The following ARID5B variants were observed in gnomAD, a reference collection of about 807,000 sequenced individuals.
ARID5B encodes the protein AT-rich interaction domain 5B.
In ARID5B, 13 loss-of-function variants were observed where a neutral mutation model predicts 97.2. The observed-to-expected ratio is 0.13, with a 90% confidence interval of 0.09 to 0.21. The LOEUF is 0.21. ARID5B is among the 10% of genes least tolerant of loss of function. The pLI is 1.00. For synonymous variants in ARID5B, 556 were observed against 570.3 expected, an observed-to-expected ratio of 0.97 and a Z score of 0.36; for missense variants, 1,210 against 1,465.3, an observed-to-expected ratio of 0.83 and a Z score of 2.84.
chr10:61,963,773 C>G (rs567103342), intron 3 of ARID5B, among the ~76,000 whole-genome samples: 1 of 151,898 alleles, frequency 6.6e-6, no homozygotes, highest in African/African-American at 2.4e-5. Context: ...TCTTTGATTA[C>G]TGTCATTACT....
At chr10:61,966,577 G>C (rs570605036) in intron 3 of ARID5B, among the ~76,000 whole-genome samples, 1 of 151,886 alleles carries the variant, frequency 6.6e-6, no homozygotes, top group South Asian at 2.1e-4. Flanking sequence ...TTTTTACATG[G>C]ACCAAATACC....
At chr10:61,958,166 G>A (rs1298135277) in intron 3 of ARID5B, among the ~76,000 whole-genome samples, 2 of 152,230 alleles carry the variant, frequency 1.3e-5, no homozygotes, top group Non-Finnish European at 2.9e-5. Flanking sequence ...TGTTCCAGGA[G>A]CTTGGATGAA....
At chr10:61,963,470 T>A (rs1838500892) in intron 3 of ARID5B, among the ~76,000 whole-genome samples, 1 of 152,062 alleles carries the variant, frequency 6.6e-6, no homozygotes. Context: ...GAGCGGCATG[T>A]CCCTGGGGCA....
intron 4 of ARID5B, among the ~76,000 whole-genome samples, chr10:62,032,290 C>T (rs1839507042): frequency 6.6e-6 from 1 of 152,180 alleles, no homozygotes; most frequent in African/African-American, 2.4e-5. Flanking sequence ...CTGCACACTC[C>T]AGCCTCAGCA....
chr10:62,028,516 C>T (rs1447522510), intron 4 of ARID5B, among the ~76,000 whole-genome samples: 1 of 152,136 alleles, frequency 6.6e-6, no homozygotes, highest in Non-Finnish European at 1.5e-5. Context: ...TCAGTCTGCA[C>T]TCATTGTCAC....
rs534288030 is a variant in ARID5B, at chr10:61,930,438, C to T, written c.277-9745C>T. On this transcript the variant is annotated intron_variant, in intron 2 of 9. Transcript: ENST00000279873. ...GTCCAGTATTAAAGATACAGGTTCT[C>T]GGCCAGGTGCGGTGGCTCACACCTG... is the stretch of plus-strand genomic sequence containing the variant. Among the ~76,000 whole-genome samples the T allele has an allele frequency of 3.3e-5, 5 of 152,132 alleles. No homozygotes were observed. In the East Asian group the frequency reaches 5.8e-4, roughly 18 times the overall value.
chr10:61,971,654 A>G (rs1371544041), intron 3 of ARID5B, among the ~76,000 whole-genome samples: 1 of 152,262 alleles, frequency 6.6e-6, no homozygotes, highest in Non-Finnish European at 1.5e-5. Flanking sequence ...AACTGTAGTC[A>G]TTATTATAAT....
intron 3 of ARID5B, among the ~76,000 whole-genome samples, chr10:61,963,243 G>A (rs549359908): frequency 5.9e-5 from 9 of 152,112 alleles, no homozygotes; most frequent in Non-Finnish European, 1.2e-4. Context: ...TTTTCTGTAA[G>A]TTAAAAAAGA....
chr10:62,049,622 C>T lies in ARID5B; in HGVS notation c.734-1266C>T. The stretch of plus-strand genomic sequence containing the variant: ...GAGAGAGCGGGTGTGGGAAGGGGAT[C>T]CTAAGCCCTAAAGCCTCTTTTTAAA... On this transcript the variant is annotated intron_variant, in intron 4 of 9. Transcript: ENST00000279873. 2.5e-6 allele frequency: 3 copies of T among 1,209,264 alleles called. No individual in the cohort carries two copies. The South Asian group carries it at 4.1e-5, about 16-fold the overall frequency. The allele number at this position is 1,209,264 out of a possible 1,614,324, so 74.9% of individuals were successfully genotyped here. A position where few individuals can be genotyped will look rare whatever the true frequency, so the allele number is the denominator to read the frequency against.
chr10:62,087,532 TAA>T (rs769545599), intron 9 of ARID5B, among the ~76,000 whole-genome samples: 10 of 133,192 alleles, frequency 7.5e-5, no homozygotes, highest in Non-Finnish European at 8.1e-5. Flanking sequence ...TGCTGCCCAT[TAA>T]AAAAAAAAAA....
At chr10:61,951,878 G>A (rs1838328489) in intron 3 of ARID5B, among the ~76,000 whole-genome samples, 1 of 151,832 alleles carries the variant, frequency 6.6e-6, no homozygotes, top group Non-Finnish European at 1.5e-5. Context: ...CCCCCATATT[G>A]TAAAATATCC....
intron 8 of ARID5B, among the ~76,000 whole-genome samples, chr10:62,085,210 C>A (rs1840264894): frequency 6.6e-6 from 1 of 152,128 alleles, no homozygotes; most frequent in African/African-American, 2.4e-5. Flanking sequence ...ATAAAATAAT[C>A]TTTAAATGTA....
chr10:62,079,863 C>A (rs971780825), intron 8 of ARID5B, among the ~76,000 whole-genome samples: 2 of 152,202 alleles, frequency 1.3e-5, no homozygotes, highest in Admixed American at 6.5e-5. Flanking sequence ...GTGAGCAGAT[C>A]ATTTTCCCAG....
At position 62,094,650 on chromosome 10, in the gene ARID5B, A is replaced by G. The variant is rs769084750; in HGVS notation, c.*1620A>G. ...TGTATTCCATTTGCTACCGAGATAT[A>G]ACATTAAGGTGGACACATTTTCTAA... On this transcript the variant is annotated 3_prime_UTR_variant, in exon 10 of 10. Coordinates refer to ENST00000279873, the MANE Select transcript of ARID5B (RefSeq NM_032199.3). 1.3e-5 allele frequency: 3 copies of G among 230,866 alleles called. No homozygotes were observed. Among genetic ancestry groups the G allele is most frequent in the Non-Finnish European group, 2.6e-5 (3 of 116,660 alleles). 14.3% of individuals were successfully genotyped at this position (230,866 alleles called of 1,614,324 possible).
At chr10:62,019,959 A>T (rs752650034) in intron 4 of ARID5B, among the ~76,000 whole-genome samples, 16 of 152,182 alleles carry the variant, frequency 1.1e-4, no homozygotes, top group Non-Finnish European at 1.5e-5. Flanking sequence ...CTAGGCAGTG[A>T]GTCTTCTAAT....
At chr10:61,935,678 A>C (rs1012894512) in intron 2 of ARID5B, among the ~76,000 whole-genome samples, 3 of 152,170 alleles carry the variant, frequency 2.0e-5, no homozygotes, top group African/African-American at 7.2e-5. Flanking sequence ...TCCATGTGTT[A>C]AAATTCGCAG....
chr10:62,069,397 C>G (rs1002081407), intron 7 of ARID5B, among the ~76,000 whole-genome samples: 11 of 152,160 alleles, frequency 7.2e-5, no homozygotes, highest in Non-Finnish European at 1.5e-4. Flanking sequence ...CTTAAAGGAA[C>G]AGGGTATGAG....
rs534845263 is a variant in ARID5B, at chr10:61,911,644, C to T, written c.276+9231C>T. On this transcript the variant is annotated intron_variant, in intron 2 of 9. Transcript: ENST00000279873. ...ATTTAACATCTTTCTTTGCACTGCA[C>T]GAGCGGCACCCAGTTTTAACCCTGC... Among the ~76,000 whole-genome samples the T allele has an allele frequency of 5.3e-5, 8 of 152,246 alleles. No individual in the cohort carries two copies. The South Asian group carries it at 1.2e-3, about 24-fold the overall frequency.
intron 4 of ARID5B, among the ~76,000 whole-genome samples, chr10:62,027,738 C>T (rs1218215311): frequency 6.6e-6 from 1 of 152,098 alleles, no homozygotes; most frequent in Non-Finnish European, 1.5e-5. Flanking sequence ...ATGTCCTTCC[C>T]AGAAAAGAAA....
Sources: allele counts gnomAD v4.1 joint callset (sites outside exome capture counted in the v4.1 genomes callset), GRCh38; gene constraint gnomAD v4.1.1; transcripts MANE v1.5; gene names NCBI Gene and HGNC (gene_info 2026-07-23, HGNC 2026-07-21).